Variants in BCAS3 observed in about 807,000 individuals in gnomAD.
BCAS3 encodes BCAS3 microtubule associated cell migration factor.
In BCAS3, 53 loss-of-function variants were observed where a neutral mutation model predicts 116.1. That is an observed-to-expected ratio of 0.46 (90% CI 0.37 to 0.57). BCAS3 has a LOEUF of 0.57. BCAS3 is among the 20% of genes least tolerant of loss of function. The pLI is 0.00. For synonymous variants in BCAS3, 391 were observed against 408.2 expected, an observed-to-expected ratio of 0.96 and a Z score of 0.51; for missense variants, 917 against 1,165.4, an observed-to-expected ratio of 0.79 and a Z score of 3.10.
chr17:61,075,152 C>T (rs1000364502), intron 20 of BCAS3, 132 bp downstream of exon 20: 14 of 672,070 alleles, frequency 2.1e-5, no homozygotes, highest in Middle Eastern at 4.2e-4. Context: ...GTTGTCTTTC[C>T]ATATTACAAA....
chr17:61,216,602 A>G (rs902509255), intron 22 of BCAS3, among the ~76,000 whole-genome samples: 21 of 151,204 alleles, frequency 1.4e-4, no homozygotes, highest in African/African-American at 5.1e-4. Flanking sequence ...CTGAAGTGCA[A>G]TGGCAATCTC....
chr17:61,320,193 A>G (rs1460365166), intron 22 of BCAS3, among the ~76,000 whole-genome samples: 2 of 151,378 alleles, frequency 1.3e-5, no homozygotes, highest in Non-Finnish European at 2.9e-5. Context: ...CCTGGCCAGA[A>G]TAGTCTTTTT....
chr17:61,079,882 ATTTTTTT>A (rs745702399), intron 21 of BCAS3, among the ~76,000 whole-genome samples: 4 of 65,882 alleles, frequency 6.1e-5, no homozygotes, highest in Non-Finnish European at 1.1e-4. Context: ...AGGCATGAGT[ATTTTTTT>A]TTTTTTTTTT....
intron 14 of BCAS3, among the ~76,000 whole-genome samples, chr17:60,947,889 G>A (rs1214245571): frequency 3.3e-5 from 5 of 152,020 alleles, no homozygotes; most frequent in African/African-American, 1.2e-4. Context: ...CACCCATGTT[G>A]GGACTATTTG....
intron 22 of BCAS3, among the ~76,000 whole-genome samples, chr17:61,179,878 T>C (rs2079379766): frequency 6.7e-6 from 1 of 149,768 alleles, no homozygotes; most frequent in Non-Finnish European, 1.5e-5. Context: ...CTCTCTCTTT[T>C]TTTTTTTTTT....
Position 61,096,879 on chromosome 17 carries a change from T to C in BCAS3, c.2425+12315T>C, listed in dbSNP as rs556945702. ...GAGAGAGAAAAATACTGAAATAAAA[T>C]AGAACTCACTGTGAGCGGTATATCA... On this transcript the variant is annotated intron_variant, in intron 22 of 23. Transcript: ENST00000407086. Among the ~76,000 whole-genome samples, 151 of 152,196 alleles carry C rather than the reference T, an allele frequency of 9.9e-4. 1 individual carries two copies. Among genetic ancestry groups the C allele is most frequent in the African/African-American group, 3.5e-3 (144 of 41,514 alleles).
At chr17:61,014,105 TGTG>T (rs1202106920) in intron 15 of BCAS3, among the ~76,000 whole-genome samples, 2 of 152,172 alleles carry the variant, frequency 1.3e-5, no homozygotes, top group Non-Finnish European at 2.9e-5. Context: ...GTGTGTTTAC[TGTG>T]GTTATTTAAA....
chr17:61,144,006 A>G lies in BCAS3; in HGVS notation c.2425+59442A>G, dbSNP rs1364804537. Among the ~76,000 whole-genome samples the G allele has an allele frequency of 2.0e-5, 3 of 152,210 alleles. No individual in the cohort carries two copies. The highest frequency in any genetic ancestry group is 6.5e-5 in the Admixed American group (1 of 15,288). On this transcript the variant is annotated intron_variant, in intron 22 of 23. Coordinates refer to ENST00000407086, the MANE Select transcript of BCAS3 (RefSeq NM_017679.5). The surrounding 1 kb of genome is among the most constrained non-coding windows in gnomAD (Gnocchi z 5.0). Reference sequence around the variant, plus strand: ...TTTTTTTCTGAAATACTAAATTCCCATAACCTATGCAAATTACATTTTAGG... The same window carrying G: ...TTTTTTTCTGAAATACTAAATTCCCGTAACCTATGCAAATTACATTTTAGG...
intron 12 of BCAS3, among the ~76,000 whole-genome samples, chr17:60,919,686 A>T (rs58526981): frequency 0.32 from 47,938 of 150,490 alleles, 12,468 homozygotes; most frequent in African/African-American, 0.72. Flanking sequence ...TTTTTTTTTT[A>T]AAATAATGAC....
In BCAS3 at chr17:61,201,128, G is replaced by A. The variant is rs112038069; in HGVS notation, c.2425+116564G>A. Among the ~76,000 whole-genome samples the A allele has an allele frequency of 3.0e-4, 46 of 152,058 alleles. 1 individual carries two copies. Among genetic ancestry groups the A allele is most frequent in the Admixed American group, 1.2e-3 (18 of 15,274 alleles). ...TGTTGAAATAAATACATTTTAACCC[G>A]AACCTAAAACCAAACAATGACAGGA... On this transcript the variant is annotated intron_variant, in intron 22 of 23. Transcript: ENST00000407086.
At chr17:61,389,538 CTG>C (rs2060024392) in intron 23 of BCAS3, 1 of 152,418 alleles carries the variant, frequency 6.6e-6, no homozygotes, top group Non-Finnish European at 1.5e-5. Context: ...AGTCAGGAGA[CTG>C]AGGCGCACAG....
rs2061559074 is a variant in BCAS3, at chr17:60,964,457, C to T, written c.1221+17105C>T. Among the ~76,000 whole-genome samples, 1 of 152,034 alleles carries T rather than the reference C, an allele frequency of 6.6e-6. No individual in the cohort carries two copies. ...TTGCTAGTATTTTGTTGAGGATTTT[C>T]ACATATATGTTCATCACGGATATTG... On this transcript the variant is annotated intron_variant, in intron 14 of 23. Coordinates refer to ENST00000407086, the MANE Select transcript of BCAS3 (RefSeq NM_017679.5). The surrounding 1 kb of genome is among the most constrained non-coding windows in gnomAD (Gnocchi z 4.6).
intron 14 of BCAS3, among the ~76,000 whole-genome samples, chr17:60,965,765 A>G (rs1053089365): frequency 2.0e-5 from 3 of 152,224 alleles, no homozygotes; most frequent in South Asian, 2.1e-4. Flanking sequence ...GACCTAAGAT[A>G]TGGTCTCTTC....
At position 61,162,519 on chromosome 17, in the gene BCAS3, T is replaced by C. The variant is rs969436890; in HGVS notation, c.2425+77955T>C. On this transcript the variant is annotated intron_variant, in intron 22 of 23. Coordinates refer to ENST00000407086, the MANE Select transcript of BCAS3 (RefSeq NM_017679.5). The surrounding 1 kb of genome is among the most constrained non-coding windows in gnomAD (Gnocchi z 5.6). ...AATTTCTGCCTATCTTTTTTCCTGC[T>C]ACAGTCTGTTGTACAGCAGCAAGAC... Among the ~76,000 whole-genome samples the C allele has an allele frequency of 9.9e-5, 15 of 152,246 alleles. No individual in the cohort carries two copies. The highest frequency in any genetic ancestry group is 2.1e-4 in the Non-Finnish European group (14 of 68,044).
chr17:60,802,367 CATACAT>C (rs1219414403), intron 6 of BCAS3, among the ~76,000 whole-genome samples: 2 of 127,346 alleles, frequency 1.6e-5, no homozygotes, highest in African/African-American at 8.7e-5. Context: ...TACATACATA[CATACAT>C]ATATATATAT....
In BCAS3 at chr17:60,993,766, G is replaced by A. The variant is rs1241213619; in HGVS notation, c.1486+3531G>A. Among the ~76,000 whole-genome samples, 1 of 152,122 alleles carries A rather than the reference G, an allele frequency of 6.6e-6. No individual in the cohort carries two copies. The highest frequency in any genetic ancestry group is 1.5e-5 in the Non-Finnish European group (1 of 68,000). On this transcript the variant is annotated intron_variant, in intron 15 of 23. Coordinates refer to ENST00000407086, the MANE Select transcript of BCAS3 (RefSeq NM_017679.5). The surrounding 1 kb of genome is among the most constrained non-coding windows in gnomAD (Gnocchi z 4.2). ...TTGGCGGTATTACCGTTGTTTGTCT[G>A]TGCTCTTTTTAGCCAAGTAAAGGAA...
chr17:61,110,930 T>A (rs1483890917), intron 22 of BCAS3, among the ~76,000 whole-genome samples: 1 of 152,226 alleles, frequency 6.6e-6, no homozygotes, highest in Admixed American at 6.5e-5. Context: ...AGTGGGTCCC[T>A]GACCCCTCAG....
In BCAS3 at chr17:61,274,108, A is replaced by C. The variant is rs541538714; in HGVS notation, c.2426-94219A>C. ...ATATCTCCTAATGCTATCCCTCCCC[A>C]CTCCCCCCACCCCACAACAGTCCCC... On this transcript the variant is annotated intron_variant, in intron 22 of 23. Transcript: ENST00000407086. Among the ~76,000 whole-genome samples, 723 of 137,626 alleles carry C rather than the reference A, an allele frequency of 5.3e-3. 4 individuals are homozygous for C. Among genetic ancestry groups the C allele is most frequent in the African/African-American group, 0.011 (394 of 36,848 alleles). The allele number at this position is 137,626 out of a possible 152,430, so 90.3% of individuals were successfully genotyped here.
chr17:61,167,349 C>G (rs1190066063), intron 22 of BCAS3, among the ~76,000 whole-genome samples: 3 of 152,262 alleles, frequency 2.0e-5, no homozygotes, highest in South Asian at 2.1e-4. Context: ...AGATAAAACT[C>G]AGAAAGATTA....
Sources: gnomAD v4.1 joint callset for allele counts (sites outside exome capture counted in the v4.1 genomes callset) on GRCh38, gnomAD v4.1.1 for gene constraint, Gnocchi (gnomAD v3.1) non-coding constraint, MANE v1.5 for transcripts, NCBI Gene and HGNC (gene_info 2026-07-23, HGNC 2026-07-21) for gene names.